UNC5C: variants seen among roughly 807,000 people sequenced by gnomAD.
UNC5C encodes the protein unc-5 netrin receptor C.
In UNC5C, 47 loss-of-function variants were observed where a neutral mutation model predicts 99.8. That is an observed-to-expected ratio of 0.47 (90% CI 0.37 to 0.60). The LOEUF (loss-of-function observed/expected upper bound fraction) is 0.60. UNC5C is among the 20% of genes least tolerant of loss of function. UNC5C has a pLI of 0.00. For missense variants in UNC5C, 1,062 were observed against 1,165.9 expected (o/e 0.91, Z 1.30); for synonymous variants, 487 against 452.2 (o/e 1.08, Z -0.98).
intron 1 of UNC5C, among the ~76,000 whole-genome samples, chr4:95,339,728 G>C (rs1179632823): frequency 6.6e-6 from 1 of 152,064 alleles, no homozygotes; most frequent in Non-Finnish European, 1.5e-5. Flanking sequence ...GCACACCCCA[G>C]CTGCTGGTAT....
rs138555399 is a variant in UNC5C at position 95,220,924 on chromosome 4, G to T, written c.1109-748C>A. Reference sequence around the variant, plus strand: ...CTACTCATTACTAGAATAAAATATAGCTCTCTTGTGCACTAAGGAAGACAA... The same window carrying T: ...CTACTCATTACTAGAATAAAATATATCTCTCTTGTGCACTAAGGAAGACAA... On this transcript the variant is annotated intron_variant, in intron 7 of 15. Coordinates refer to ENST00000453304, the MANE Select transcript of UNC5C (RefSeq NM_003728.4). Among the ~76,000 whole-genome samples the T allele has an allele frequency of 8.1e-3, 1,226 of 152,182 alleles. 14 individuals carry two copies. The highest frequency in any genetic ancestry group is 0.026 in the African/African-American group (1,095 of 41,506).
At chr4:95,195,253 C>CCT (rs1560725758) in intron 12 of UNC5C, among the ~76,000 whole-genome samples, 1 of 152,192 alleles carries the variant, frequency 6.6e-6, no homozygotes, top group African/African-American at 2.4e-5. Flanking sequence ...ACCAGGGCCA[C>CCT]CAGGCTGATA....
chr4:95,411,998 T>A (rs894002203), intron 1 of UNC5C, among the ~76,000 whole-genome samples: 1 of 151,628 alleles, frequency 6.6e-6, no homozygotes, highest in South Asian at 2.1e-4. Flanking sequence ...TTTTTTTTTT[T>A]CCTAAAACCT....
intron 1 of UNC5C, among the ~76,000 whole-genome samples, chr4:95,473,793 C>T (rs1402333018): frequency 6.6e-6 from 1 of 152,010 alleles, no homozygotes; most frequent in African/African-American, 2.4e-5. Context: ...AAAACTTCTA[C>T]AGAGGGGAGA....
chr4:95,410,810 C>T (rs974217319), intron 1 of UNC5C, among the ~76,000 whole-genome samples: 2 of 152,154 alleles, frequency 1.3e-5, no homozygotes, highest in Non-Finnish European at 2.9e-5. Context: ...CCCCACCCTG[C>T]TCGCCCAGTG....
intron 1 of UNC5C, among the ~76,000 whole-genome samples, chr4:95,404,898 C>T (rs966479802): frequency 1.3e-5 from 2 of 152,122 alleles, no homozygotes; most frequent in Non-Finnish European, 2.9e-5. Flanking sequence ...GATCTGAACG[C>T]CGAGAGGAGT....
intron 1 of UNC5C, among the ~76,000 whole-genome samples, chr4:95,429,119 C>G (rs1393391321): frequency 6.6e-6 from 1 of 152,020 alleles, no homozygotes; most frequent in Non-Finnish European, 1.5e-5. Flanking sequence ...CAAATGCAGG[C>G]AAATTTGCTA....
chr4:95,318,398 T>C (rs894264148), intron 2 of UNC5C, among the ~76,000 whole-genome samples: 3 of 152,190 alleles, frequency 2.0e-5, no homozygotes, highest in South Asian at 2.1e-4. Flanking sequence ...TTCAGACTTC[T>C]AGCCTCCAAA....
At chr4:95,303,265 A>C (rs1741940050) in intron 2 of UNC5C, among the ~76,000 whole-genome samples, 1 of 152,198 alleles carries the variant, frequency 6.6e-6, no homozygotes, top group Non-Finnish European at 1.5e-5. Flanking sequence ...CTCCATGCCA[A>C]ACTCACTGAA....
chr4:95,315,054 A>G (rs1197608587), intron 2 of UNC5C, among the ~76,000 whole-genome samples: 1 of 152,206 alleles, frequency 6.6e-6, no homozygotes, highest in African/African-American at 2.4e-5. Flanking sequence ...TGTCAAATTA[A>G]AAATAAATTT....
At chr4:95,179,102 T>TAAAC (rs903920846) in intron 14 of UNC5C, among the ~76,000 whole-genome samples, 9 of 152,202 alleles carry the variant, frequency 5.9e-5, no homozygotes, top group African/African-American at 1.9e-4. Context: ...TTCCCTTATG[T>TAAAC]AAACATATGA....
chr4:95,493,549 AT>A (rs547020021), intron 1 of UNC5C, among the ~76,000 whole-genome samples: 5 of 151,192 alleles, frequency 3.3e-5, no homozygotes, highest in Admixed American at 6.6e-5. Flanking sequence ...AACTTTAACA[AT>A]TTTTTTTAAT....
chr4:95,436,449 T>C (rs1371671135), intron 1 of UNC5C, among the ~76,000 whole-genome samples: 1 of 152,000 alleles, frequency 6.6e-6, no homozygotes, highest in Non-Finnish European at 1.5e-5. Context: ...CCAGAGTGAT[T>C]GTCCAAATAT....
intron 14 of UNC5C, among the ~76,000 whole-genome samples, chr4:95,180,298 C>CTGTAACTGAAACAAAATAGAAGA (rs1230009144): frequency 3.3e-5 from 5 of 152,178 alleles, no homozygotes; most frequent in Non-Finnish European, 4.4e-5. Context: ...GGATGTCTGC[C>CTGTAACTGAAACAAAATAGAAGA]TGTAACTGAA....
At chr4:95,319,590 G>T (rs1229100480) in intron 2 of UNC5C, among the ~76,000 whole-genome samples, 1 of 152,116 alleles carries the variant, frequency 6.6e-6, no homozygotes, top group Non-Finnish European at 1.5e-5. Flanking sequence ...AGAGGATCTG[G>T]CAAGAATGGA....
intron 4 of UNC5C, among the ~76,000 whole-genome samples, chr4:95,264,024 T>G (rs1740342728): frequency 6.6e-6 from 1 of 152,186 alleles, no homozygotes; most frequent in African/African-American, 2.4e-5. Flanking sequence ...ACACCATCTA[T>G]TTATACATTT....
intron 1 of UNC5C, among the ~76,000 whole-genome samples, chr4:95,490,832 A>C (rs1443192810): frequency 1.3e-5 from 2 of 151,794 alleles, no homozygotes; most frequent in Non-Finnish European, 2.9e-5. Context: ...TGAACAATTT[A>C]TCAAATAATT....
intron 1 of UNC5C, among the ~76,000 whole-genome samples, chr4:95,495,775 T>A (rs1405032044): frequency 6.6e-6 from 1 of 151,814 alleles, no homozygotes; most frequent in East Asian, 1.9e-4. Context: ...ATCCTCATTT[T>A]AAAATTATGA....
intron 1 of UNC5C, among the ~76,000 whole-genome samples, chr4:95,348,948 A>G (rs1743880092): frequency 7.5e-6 from 1 of 132,726 alleles, no homozygotes; most frequent in African/African-American, 2.8e-5. Flanking sequence ...AGAGAATAGA[A>G]TGATGGTTAC....
Sources: allele counts gnomAD v4.1 joint callset (sites outside exome capture counted in the v4.1 genomes callset), GRCh38; gene constraint gnomAD v4.1.1; transcripts MANE v1.5; gene names NCBI Gene and HGNC (gene_info 2026-07-23, HGNC 2026-07-21).